The following VAPB variants were observed in gnomAD, a reference collection of about 807,000 sequenced individuals.
VAPB encodes vesicle-associated membrane protein-associated protein B/C.
Under a neutral mutation model 25.6 loss-of-function variants are expected in VAPB, and 7 were observed. That is an observed-to-expected ratio of 0.27 (90% CI 0.16 to 0.51). VAPB has a LOEUF of 0.51. Ranked by LOEUF, VAPB falls within the 20% of genes least tolerant of loss-of-function variation. VAPB has a pLI of 0.97. For missense variants in VAPB, 266 were observed against 301.3 expected, an observed-to-expected ratio of 0.88 and a Z score of 0.87; for synonymous variants, 112 against 109.2, an observed-to-expected ratio of 1.03 and a Z score of -0.16.
chr20:58,447,574 A>G lies in VAPB; in HGVS notation c.*3339A>G, dbSNP rs1180060883. On this transcript the variant is annotated 3_prime_UTR_variant, in exon 6 of 6. Coordinates refer to ENST00000475243, the MANE Select transcript of VAPB (RefSeq NM_004738.5). ...GATATCATTGCCCAGTTTGCAGGCTATGTTGAGTCAGATAGAACTGAATGT... is the reference window on the plus strand; with the variant it reads ...GATATCATTGCCCAGTTTGCAGGCTGTGTTGAGTCAGATAGAACTGAATGT... 2.2e-6 allele frequency: 1 copy of G among 454,016 alleles called. No homozygotes were observed. The highest frequency in any genetic ancestry group is 4.4e-6 in the Non-Finnish European group (1 of 226,798). The allele number at this position is 454,016 out of a possible 1,614,324, so 28.1% of individuals were successfully genotyped here.
intron 5 of VAPB, among the ~76,000 whole-genome samples, chr20:58,443,404 T>G (rs1056357152): frequency 6.7e-6 from 1 of 149,270 alleles, no homozygotes; most frequent in Non-Finnish European, 1.5e-5. Flanking sequence ...TTAGGTTTTT[T>G]TTTTTTTTTT....
At chr20:58,433,965 C>G (rs747178802) in intron 2 of VAPB, among the ~76,000 whole-genome samples, 48 of 152,242 alleles carry the variant, frequency 3.2e-4, no homozygotes, top group Admixed American at 1.4e-3. Flanking sequence ...AAGGCACCTC[C>G]CTCCATGCAG....
intron 1 of VAPB, among the ~76,000 whole-genome samples, chr20:58,414,370 C>A (rs906425033): frequency 1.3e-5 from 2 of 149,844 alleles, no homozygotes; most frequent in African/African-American, 4.9e-5. Context: ...CGGGCGGAGA[C>A]GCCCCCCACC....
Position 58,448,611 on chromosome 20 carries a change from G to A in VAPB, c.*4376G>A, listed in dbSNP as rs1312317943. The A allele has an allele frequency of 4.4e-6, 2 of 454,050 alleles. No homozygotes were observed. The highest frequency in any genetic ancestry group is 1.4e-4 in the East Asian group (2 of 14,390). The allele number at this position is 454,050 out of a possible 1,614,324, so 28.1% of individuals were successfully genotyped here. A position where few individuals can be genotyped will look rare whatever the true frequency, so the allele number is the denominator to read the frequency against. ...TTTCAGCTCTGAAAATCTGCTTCAGGGAAGTGAGTGGATGAGGCCTTCCTG... is the reference window on the plus strand; with the variant it reads ...TTTCAGCTCTGAAAATCTGCTTCAGAGAAGTGAGTGGATGAGGCCTTCCTG... On this transcript the variant is annotated 3_prime_UTR_variant, in exon 6 of 6. Coordinates refer to ENST00000475243, the MANE Select transcript of VAPB (RefSeq NM_004738.5).
At chr20:58,414,741 C>G (rs1988493578) in intron 1 of VAPB, among the ~76,000 whole-genome samples, 1 of 151,610 alleles carries the variant, frequency 6.6e-6, no homozygotes, top group Non-Finnish European at 1.5e-5. Flanking sequence ...ACCTCCCAGA[C>G]TGGGCAGCCA....
intron 2 of VAPB, among the ~76,000 whole-genome samples, chr20:58,422,050 A>G (rs1312414694): frequency 6.6e-6 from 1 of 152,248 alleles, no homozygotes; most frequent in African/African-American, 2.4e-5. Context: ...GGACACAGGC[A>G]TAACCTAAAC....
chr20:58,443,222 C>T (rs570385663), intron 5 of VAPB, among the ~76,000 whole-genome samples: 1 of 152,162 alleles, frequency 6.6e-6, no homozygotes, highest in South Asian at 2.1e-4. Flanking sequence ...AAGAATGTTG[C>T]TTCTTCAATG....
intron 2 of VAPB, among the ~76,000 whole-genome samples, chr20:58,425,356 G>A (rs1274510260): frequency 6.6e-6 from 1 of 152,242 alleles, no homozygotes; most frequent in Non-Finnish European, 1.5e-5. Flanking sequence ...TGGGGGTAAA[G>A]AAGGGTTTCC....
intron 1 of VAPB, among the ~76,000 whole-genome samples, chr20:58,414,557 C>G (rs939246608): frequency 1.3e-5 from 2 of 151,092 alleles, no homozygotes; most frequent in Admixed American, 6.6e-5. Context: ...GGGTCGTGGC[C>G]GGGCAGAGGC....
intron 1 of VAPB, among the ~76,000 whole-genome samples, chr20:58,402,424 C>G (rs1467521157): frequency 6.6e-6 from 1 of 152,204 alleles, no homozygotes; most frequent in African/African-American, 2.4e-5. Flanking sequence ...ACAGGCTTCA[C>G]TTCTTCAAGG....
chr20:58,411,912 G>T (rs547005725), intron 1 of VAPB, among the ~76,000 whole-genome samples: 1 of 151,844 alleles, frequency 6.6e-6, no homozygotes, highest in South Asian at 2.1e-4. Flanking sequence ...ATCTCCTGAC[G>T]TTGTGATCCA....
At chr20:58,395,205 G>T (rs1228968875) in intron 1 of VAPB, among the ~76,000 whole-genome samples, 2 of 146,924 alleles carry the variant, frequency 1.4e-5, no homozygotes, top group Non-Finnish European at 3.0e-5. Flanking sequence ...AGGCTGGAGT[G>T]CAATGGCACT....
rs965855436 is a variant in VAPB, at chr20:58,449,396, G to C, written c.*5161G>C. On this transcript the variant is annotated 3_prime_UTR_variant, in exon 6 of 6. Transcript: ENST00000475243. ...TATGGATGATAGTTAAAAGAGAAAC[G>C]GGTGGAGGTGGATGAGAGGTTGTCT... 2.2e-6 allele frequency: 1 copy of C among 453,624 alleles called. No homozygotes were observed. Among genetic ancestry groups the C allele is most frequent in the Admixed American group, 2.4e-5 (1 of 42,480 alleles). The allele number at this position is 453,624 out of a possible 1,614,324, so 28.1% of individuals were successfully genotyped here.
intron 3 of VAPB, 67 bp downstream of exon 3, chr20:58,434,772 TGTG>T (rs1465172620): frequency 1.9e-5 from 15 of 800,434 alleles, no homozygotes; most frequent in Non-Finnish European, 3.1e-5. Context: ...GATATGGAAT[TGTG>T]GGTGCATGCA....
chr20:58,420,325 A>G (rs532891986), intron 2 of VAPB, among the ~76,000 whole-genome samples: 1 of 152,314 alleles, frequency 6.6e-6, no homozygotes, highest in Admixed American at 6.5e-5. Context: ...TTTCCCCATC[A>G]TAGGAATTTT....
At chr20:58,427,264 G>T (rs1234625953) in intron 2 of VAPB, among the ~76,000 whole-genome samples, 3 of 151,622 alleles carry the variant, frequency 2.0e-5, no homozygotes, top group East Asian at 3.9e-4. Context: ...TCCGTGATCT[G>T]TTACCATTAT....
In VAPB at chr20:58,424,378, G is replaced by C. The variant is rs541616832; in HGVS notation, c.211+6015G>C. 7.5e-5 allele frequency among the ~76,000 whole-genome samples: 11 copies of C among 146,982 alleles called. No homozygotes were observed. In the East Asian group the frequency reaches 2.0e-3, roughly 27 times the overall value. On this transcript the variant is annotated intron_variant, in intron 2 of 5. Transcript: ENST00000475243. ...TGACAGTGCATAGCAGACAGTGGAC[G>C]GGCTGGGCAAGAACACCACCGAGAG...
chr20:58,417,780 C>T (rs1477607378), intron 1 of VAPB, among the ~76,000 whole-genome samples: 1 of 152,194 alleles, frequency 6.6e-6, no homozygotes, highest in Non-Finnish European at 1.5e-5. Context: ...TTTACGCTCT[C>T]CCTGTTAGAT....
intron 1 of VAPB, among the ~76,000 whole-genome samples, chr20:58,411,713 C>G (rs1042582325): frequency 6.6e-6 from 1 of 152,194 alleles, no homozygotes; most frequent in African/African-American, 2.4e-5. Flanking sequence ...CTCTTTCGCT[C>G]TGTCACCCAG....
Sources: gnomAD v4.1 joint callset for allele counts (sites outside exome capture counted in the v4.1 genomes callset) on GRCh38, gnomAD v4.1.1 for gene constraint, MANE v1.5 for transcripts, NCBI Gene and HGNC (gene_info 2026-07-23, HGNC 2026-07-21) for gene names.